DCLK1: variants seen among roughly 807,000 people sequenced by gnomAD.
DCLK1 encodes doublecortin like kinase 1, also known as serine/threonine-protein kinase DCLK1.
DCLK1 carries 16 observed loss-of-function variants against 86.2 expected under a neutral mutation model. That is an observed-to-expected ratio of 0.19 (90% CI 0.13 to 0.28). The LOEUF (loss-of-function observed/expected upper bound fraction) is 0.28. DCLK1 is among the 10% of genes least tolerant of loss of function. The pLI is 1.00. For missense variants in DCLK1, 590 were observed against 940.2 expected (o/e 0.63, Z 4.87); for synonymous variants, 369 against 370.5 (o/e 1.00, Z 0.05).
intron 15 of DCLK1, among the ~76,000 whole-genome samples, chr13:35,800,672 A>G (rs2086900493): frequency 6.6e-6 from 1 of 152,030 alleles, no homozygotes; most frequent in South Asian, 2.1e-4. Flanking sequence ...CCTATGCTTT[A>G]CTGTCTATTT....
intron 4 of DCLK1, among the ~76,000 whole-genome samples, chr13:35,928,273 A>AGTTGGT (rs1876237148): frequency 6.6e-6 from 1 of 152,066 alleles, no homozygotes; most frequent in African/African-American, 2.4e-5. Flanking sequence ...GACTCCTGGT[A>AGTTGGT]GTTGGTGTTG....
At chr13:35,948,964 T>C (rs951083561) in intron 3 of DCLK1, among the ~76,000 whole-genome samples, 1 of 152,194 alleles carries the variant, frequency 6.6e-6, no homozygotes, top group South Asian at 2.1e-4. Flanking sequence ...TGTTCATCTT[T>C]ACCTTCATGA....
intron 3 of DCLK1, among the ~76,000 whole-genome samples, chr13:36,041,075 T>G (rs751963596): frequency 1.2e-4 from 18 of 152,162 alleles, no homozygotes; most frequent in Non-Finnish European, 2.6e-4. Context: ...AGAATGGTAT[T>G]AAACACCAAA....
intron 3 of DCLK1, among the ~76,000 whole-genome samples, chr13:36,011,714 G>A (rs1316526190): frequency 6.6e-6 from 1 of 151,944 alleles, no homozygotes; most frequent in Non-Finnish European, 1.5e-5. Flanking sequence ...TTGATTTGGG[G>A]TGGAGAGTTC....
chr13:35,801,029 T>G (rs2086909005), intron 15 of DCLK1, among the ~76,000 whole-genome samples: 1 of 152,094 alleles, frequency 6.6e-6, no homozygotes, highest in Non-Finnish European at 1.5e-5. Context: ...CGGCCAAGAC[T>G]GCCTTTTCAA....
intron 3 of DCLK1, among the ~76,000 whole-genome samples, chr13:35,998,397 C>G (rs1349599739): frequency 6.6e-6 from 1 of 152,148 alleles, no homozygotes; most frequent in Non-Finnish European, 1.5e-5. Flanking sequence ...GCAGAAACCT[C>G]ACACCCACAT....
intron 4 of DCLK1, among the ~76,000 whole-genome samples, chr13:35,932,056 G>C (rs1171074): frequency 0.74 from 111,923 of 152,096 alleles, 41,396 homozygotes; most frequent in Admixed American, 0.81. Flanking sequence ...GTGTCTGTGA[G>C]GATGCTTCTG....
At chr13:36,118,047 C>G (rs1404643673) in intron 2 of DCLK1, among the ~76,000 whole-genome samples, 1 of 151,184 alleles carries the variant, frequency 6.6e-6, no homozygotes, top group East Asian at 2.0e-4. Flanking sequence ...TTGCACAGTA[C>G]AGAAAGGGAT....
At chr13:35,822,331 T>A (rs889862908) in intron 11 of DCLK1, among the ~76,000 whole-genome samples, 13 of 112,068 alleles carry the variant, frequency 1.2e-4, no homozygotes, top group South Asian at 2.6e-4. Context: ...TTAAAAAAAA[T>A]TTTTTTTGTG....
intron 3 of DCLK1, among the ~76,000 whole-genome samples, chr13:35,964,071 G>A (rs559912057): frequency 1.3e-5 from 2 of 152,250 alleles, no homozygotes; most frequent in African/African-American, 2.4e-5. Flanking sequence ...ACTTGGAGAG[G>A]ACTATCTTTT....
intron 4 of DCLK1, among the ~76,000 whole-genome samples, chr13:35,901,491 CAAAAAAA>C (rs58801666): frequency 1.1e-4 from 5 of 45,872 alleles, no homozygotes; most frequent in East Asian, 1.1e-3. Context: ...GACTCTGTCT[CAAAAAAA>C]AAAAAAAAAA....
intron 3 of DCLK1, among the ~76,000 whole-genome samples, chr13:36,047,175 A>T (rs1005459003): frequency 1.3e-5 from 2 of 152,342 alleles, no homozygotes; most frequent in Middle Eastern, 3.4e-3. Context: ...AAGACAAAAG[A>T]TAACAAGATT....
At chr13:35,784,926 A>G (rs2086592723) in intron 16 of DCLK1, among the ~76,000 whole-genome samples, 1 of 152,122 alleles carries the variant, frequency 6.6e-6, no homozygotes, top group African/African-American at 2.4e-5. Context: ...TCAAACCTGC[A>G]CGGAGCAAGA....
At chr13:35,817,407 G>T (rs534516059) in intron 11 of DCLK1, among the ~76,000 whole-genome samples, 1 of 152,184 alleles carries the variant, frequency 6.6e-6, no homozygotes, top group South Asian at 2.1e-4. Flanking sequence ...AAAAAGGATC[G>T]TTCAGTTTCT....
At chr13:35,914,350 CATATATATATATATATATGTATATATAT>C (rs1875259841) in intron 4 of DCLK1, among the ~76,000 whole-genome samples, 6 of 94,212 alleles carry the variant, frequency 6.4e-5, no homozygotes, top group South Asian at 3.4e-4. Flanking sequence ...TATATATATA[CATATATATATATATATATGTATATATAT>C]ATATATATAT....
intron 3 of DCLK1, among the ~76,000 whole-genome samples, chr13:36,087,257 G>C (rs149882328): frequency 1.2e-3 from 177 of 152,228 alleles, no homozygotes; most frequent in African/African-American, 4.1e-3. Flanking sequence ...CTGGCTGCAT[G>C]AATGTCTTCT....
At chr13:35,807,130 A>G (rs2087043445) in intron 14 of DCLK1, among the ~76,000 whole-genome samples, 1 of 152,228 alleles carries the variant, frequency 6.6e-6, no homozygotes, top group South Asian at 2.1e-4. Context: ...GAGCAATGAA[A>G]AGGTTTTCCT....
intron 3 of DCLK1, among the ~76,000 whole-genome samples, chr13:36,005,854 T>C (rs1368965977): frequency 1.3e-5 from 2 of 152,216 alleles, no homozygotes; most frequent in Non-Finnish European, 2.9e-5. Context: ...AATGAGTTCA[T>C]GTCCTTTGCA....
At chr13:35,923,586 G>A (rs527734209) in intron 4 of DCLK1, among the ~76,000 whole-genome samples, 1 of 152,090 alleles carries the variant, frequency 6.6e-6, no homozygotes, top group South Asian at 2.1e-4. Flanking sequence ...AAACATAAAG[G>A]ACACACGCTG....
Sources: gnomAD v4.1 joint callset for allele counts (sites outside exome capture counted in the v4.1 genomes callset) on GRCh38, gnomAD v4.1.1 for gene constraint, MANE v1.5 for transcripts, NCBI Gene and HGNC (gene_info 2026-07-23, HGNC 2026-07-21) for gene names.